Variants in SHC4 observed in about 807,000 individuals in gnomAD.
The protein encoded by SHC4 is SHC-transforming protein 4.
SHC4 carries 41 observed loss-of-function variants against 69.4 expected under a neutral mutation model. That is an observed-to-expected ratio of 0.59 (90% CI 0.46 to 0.77). The LOEUF (loss-of-function observed/expected upper bound fraction) is 0.77. Among genes scored for constraint, SHC4 ranks in the 30% least tolerant of loss-of-function variants. The probability of loss-of-function intolerance (pLI) is 0.00; values close to 1 mark genes in which losing one functional copy is unlikely to be tolerated. For synonymous variants in SHC4, 318 were observed against 299.3 expected (o/e 1.06, Z -0.64); for missense variants, 777 against 783.8 (o/e 0.99, Z 0.10).
chr15:48,963,155 C>G lies in SHC4; in HGVS notation c.-140G>C. ...CTCCAACTCTGCTCTCGAGCTCGCC[C>G]ACCTCGGCTCCCGGCCCCTTAAGGG... is the stretch of plus-strand genomic sequence containing the variant. On this transcript the variant is annotated 5_prime_UTR_variant, in exon 1 of 12. Transcript: ENST00000332408. The G allele has an allele frequency of 1.1e-6, 1 of 870,198 alleles. No homozygotes were observed. Among genetic ancestry groups the G allele is most frequent in the Non-Finnish European group, 1.7e-6 (1 of 580,780 alleles). The allele number at this position is 870,198 out of a possible 1,614,324, so 53.9% of individuals were successfully genotyped here.
intron 4 of SHC4, among the ~76,000 whole-genome samples, chr15:48,873,577 T>C (rs1274432177): frequency 3.3e-5 from 5 of 152,110 alleles, no homozygotes; most frequent in Non-Finnish European, 7.4e-5. Context: ...ACCCCATCTC[T>C]ACTAAAAATA....
intron 1 of SHC4, among the ~76,000 whole-genome samples, chr15:48,929,380 G>A (rs1007194072): frequency 1.3e-5 from 2 of 152,150 alleles, no homozygotes; most frequent in Admixed American, 6.5e-5. Context: ...ATTCAGATAG[G>A]ACAACCATGA....
intron 2 of SHC4, among the ~76,000 whole-genome samples, chr15:48,893,605 C>T (rs567675754): frequency 3.3e-5 from 5 of 152,080 alleles, no homozygotes; most frequent in South Asian, 2.1e-4. Context: ...CTTTTTAAGA[C>T]GGGAAAATAT....
At chr15:48,831,653 A>T (rs1567047488) in intron 11 of SHC4, among the ~76,000 whole-genome samples, 1 of 152,238 alleles carries the variant, frequency 6.6e-6, no homozygotes, top group Admixed American at 6.5e-5. Context: ...CAATGAAAAA[A>T]TCATCTAGCA....
At chr15:48,959,376 C>T (rs527418763) in intron 1 of SHC4, among the ~76,000 whole-genome samples, 8 of 152,316 alleles carry the variant, frequency 5.3e-5, no homozygotes, top group East Asian at 3.9e-4. Flanking sequence ...CTTTTGTTTA[C>T]TGATGCTTAG....
At chr15:48,913,771 G>A (rs1745506545) in intron 2 of SHC4, among the ~76,000 whole-genome samples, 1 of 152,154 alleles carries the variant, frequency 6.6e-6, no homozygotes, top group South Asian at 2.1e-4. Flanking sequence ...AGCTCCCAGG[G>A]CCTTTCTACT....
intron 1 of SHC4, among the ~76,000 whole-genome samples, chr15:48,939,317 G>A (rs4592603): frequency 0.95 from 144,418 of 152,270 alleles, 69,379 homozygotes; most frequent in Non-Finnish European, 1. Context: ...GAGGAAGGAC[G>A]CTGGGGCGAG....
chr15:48,957,482 A>G (rs1327846446), intron 1 of SHC4, among the ~76,000 whole-genome samples: 1 of 152,210 alleles, frequency 6.6e-6, no homozygotes, highest in African/African-American at 2.4e-5. Context: ...ATGATTGACA[A>G]TACTAGTTTA....
chr15:48,950,412 A>T (rs1186055062), intron 1 of SHC4, among the ~76,000 whole-genome samples: 1 of 151,992 alleles, frequency 6.6e-6, no homozygotes, highest in Non-Finnish European at 1.5e-5. Context: ...TATCTACTTT[A>T]TCACACTGAT....
chr15:48,884,431 T>C (rs1899998081), intron 3 of SHC4, 64 bp from the exon 4 acceptor site: 1 of 1,418,988 alleles, frequency 7.0e-7, no homozygotes, highest in Admixed American at 2.5e-5. Context: ...TAAATGTTAA[T>C]GTTTTTTAAA....
chr15:48,836,172 G>A (rs960744310), intron 10 of SHC4, among the ~76,000 whole-genome samples: 4 of 152,078 alleles, frequency 2.6e-5, no homozygotes, highest in Admixed American at 6.6e-5. Context: ...CAGCCTGGGC[G>A]ACAGTGAGAC....
chr15:48,878,740 G>C, intron 4 of SHC4: 1 of 1,605,996 alleles, frequency 6.2e-7, no homozygotes, highest in Non-Finnish European at 8.5e-7. Context: ...ATAGAGAGTA[G>C]TTAGATGCTG....
intron 5 of SHC4, 188 bp downstream of exon 5, chr15:48,871,901 T>G: frequency 2.0e-6 from 1 of 488,732 alleles, no homozygotes; most frequent in Non-Finnish European, 3.6e-6. Flanking sequence ...TAGGAAATGT[T>G]TGCCTAAAGA....
At chr15:48,944,459 T>C (rs982563702) in intron 1 of SHC4, among the ~76,000 whole-genome samples, 7 of 152,200 alleles carry the variant, frequency 4.6e-5, no homozygotes, top group Non-Finnish European at 1.5e-5. Context: ...TCCTTCTTCC[T>C]GCTGCTTGGA....
chr15:48,853,644 T>C (rs1006595461), intron 8 of SHC4, among the ~76,000 whole-genome samples: 2 of 152,024 alleles, frequency 1.3e-5, no homozygotes, highest in Admixed American at 6.6e-5. Context: ...ATCACAAACA[T>C]AGACTAATGG....
intron 2 of SHC4, among the ~76,000 whole-genome samples, chr15:48,903,274 T>G (rs1041127715): frequency 6.6e-6 from 1 of 152,202 alleles, no homozygotes; most frequent in African/African-American, 2.4e-5. Context: ...ATGCACCAAC[T>G]GTCCTGCATT....
intron 2 of SHC4, among the ~76,000 whole-genome samples, chr15:48,913,067 T>C (rs943902867): frequency 6.6e-6 from 1 of 152,078 alleles, no homozygotes; most frequent in African/African-American, 2.4e-5. Flanking sequence ...ATTGGGCTGG[T>C]TGGCCTCCTG....
At chr15:48,900,549 C>T (rs1180080770) in intron 2 of SHC4, among the ~76,000 whole-genome samples, 1 of 151,732 alleles carries the variant, frequency 6.6e-6, no homozygotes, top group Admixed American at 6.6e-5. Flanking sequence ...AGGGCTTTTA[C>T]CAGAGGGCAC....
intron 1 of SHC4, among the ~76,000 whole-genome samples, chr15:48,960,483 C>T (rs1041930097): frequency 5.3e-5 from 8 of 152,186 alleles, no homozygotes; most frequent in Non-Finnish European, 1.5e-5. Flanking sequence ...TGTGCCATGT[C>T]ACTGTGGGTG....
Sources: gnomAD v4.1 joint callset for allele counts (sites outside exome capture counted in the v4.1 genomes callset) on GRCh38, gnomAD v4.1.1 for gene constraint, MANE v1.5 for transcripts, NCBI Gene and HGNC (gene_info 2026-07-23, HGNC 2026-07-21) for gene names.